COL23A1: variants seen among roughly 807,000 people sequenced by gnomAD.
The protein encoded by COL23A1 is collagen alpha-1(XXIII) chain.
In COL23A1, 97 loss-of-function variants were observed where a neutral mutation model predicts 99.3. The ratio of observed to expected loss-of-function variants is 0.98; its 90% CI spans 0.83 to 1.16. The LOEUF (loss-of-function observed/expected upper bound fraction) is 1.16, where lower values mean the gene tolerates loss of function less well. Ranked by LOEUF, COL23A1 falls within the 50% of genes most tolerant of loss-of-function variation. The probability of loss-of-function intolerance (pLI) is 0.00; values close to 1 mark genes in which losing one functional copy is unlikely to be tolerated. For synonymous variants in COL23A1, 320 were observed against 308.2 expected (o/e 1.04, Z -0.40); for missense variants, 762 against 757.4 (o/e 1.01, Z -0.07).
chr5:178,263,476 T>G (rs1280604277), intron 8 of COL23A1, 152 bp from the exon 9 acceptor site: 2 of 602,030 alleles, frequency 3.3e-6, no homozygotes, highest in Non-Finnish European at 5.9e-6. Context: ...CTCTTGCCAC[T>G]TATTGGGAGC....
chr5:178,463,552 C>G (rs1756244836), intron 2 of COL23A1, among the ~76,000 whole-genome samples: 1 of 152,156 alleles, frequency 6.6e-6, no homozygotes, highest in African/African-American at 2.4e-5. Flanking sequence ...TGGAAACCGC[C>G]ACTGGGACCC....
At chr5:178,355,516 T>C (rs919664189) in intron 2 of COL23A1, among the ~76,000 whole-genome samples, 1 of 152,070 alleles carries the variant, frequency 6.6e-6, no homozygotes, top group African/African-American at 2.4e-5. Context: ...GGCTGAGTAA[T>C]TTATAAAGAA....
chr5:178,511,423 G>C (rs1408877653), intron 2 of COL23A1, among the ~76,000 whole-genome samples: 1 of 152,274 alleles, frequency 6.6e-6, no homozygotes. Context: ...ACCTCCGGCT[G>C]TGAGTTGTCA....
rs375414728 is a variant in COL23A1, at chr5:178,246,376, G to A, written c.1359+15C>T. The A allele has an allele frequency of 2.1e-5, 33 of 1,573,802 alleles. No homozygotes were observed. The highest frequency in any genetic ancestry group is 1.9e-4 in the East Asian group (8 of 43,164). ...AATTAACACCTTTGGGACAAACAAC[G>A]CTTGTGAGACTCACAGGCAGGCCGC... On this transcript the variant is annotated intron_variant, in intron 23 of 28. Coordinates refer to ENST00000390654, the MANE Select transcript of COL23A1 (RefSeq NM_173465.4).
intron 12 of COL23A1, among the ~76,000 whole-genome samples, chr5:178,258,270 C>CATAT (rs1765437170): frequency 9.7e-6 from 1 of 102,812 alleles, no homozygotes. Flanking sequence ...TATACACATG[C>CATAT]AAATCAATTC....
In COL23A1 at chr5:178,307,316, T is replaced by C. The variant is rs2913765; in HGVS notation, c.362-397A>G. ...AGGGTGGGTTATCTTAGGAAAGCCCTGACAAACGCTGCTTCATATTCACTA... is the reference window on the plus strand; with the variant it reads ...AGGGTGGGTTATCTTAGGAAAGCCCCGACAAACGCTGCTTCATATTCACTA... On this transcript the variant is annotated intron_variant, in intron 2 of 28. Coordinates refer to ENST00000390654, the MANE Select transcript of COL23A1 (RefSeq NM_173465.4). This position sits in a 1 kb window ranked among gnomAD's most constrained non-coding sequence, Gnocchi z 4.2. 0.75 allele frequency among the ~76,000 whole-genome samples: 113,642 copies of C among 151,850 alleles called. 43,077 individuals are homozygous for C. Among genetic ancestry groups the C allele is most frequent in the African/African-American group, 0.79 (32,555 of 41,408 alleles).
rs1224522422 is a variant in COL23A1, at chr5:178,294,253, A to G, written c.407-3884T>C. 2.7e-5 allele frequency among the ~76,000 whole-genome samples: 4 copies of G among 147,092 alleles called. No homozygotes were observed. The East Asian group carries it at 8.0e-4, about 29-fold the overall frequency. On this transcript the variant is annotated intron_variant, in intron 3 of 28. Transcript: ENST00000390654. ...AATCACTACCGAGCTCCCTCCCCAA[A>G]TCACTACCGAGCTCCCTCCCCAAAT...
chr5:178,537,296 T>C (rs904217149), intron 2 of COL23A1, among the ~76,000 whole-genome samples: 1 of 152,172 alleles, frequency 6.6e-6, no homozygotes, highest in Non-Finnish European at 1.5e-5. Context: ...GGTCTGCCAG[T>C]GTGGGCCTGA....
intron 5 of COL23A1, among the ~76,000 whole-genome samples, chr5:178,279,943 TCTGCCA>T (rs998163941): frequency 5.3e-5 from 8 of 152,226 alleles, no homozygotes; most frequent in African/African-American, 1.7e-4. Context: ...TTTTGTTCTG[TCTGCCA>T]CTCAACCACA....
In COL23A1 at chr5:178,255,279, T is replaced by G. The variant is rs1357785272; in HGVS notation, c.883-253A>C. On this transcript the variant is annotated intron_variant, in intron 15 of 28. Coordinates refer to ENST00000390654, the MANE Select transcript of COL23A1 (RefSeq NM_173465.4). The surrounding 1 kb of genome is among the most constrained non-coding windows in gnomAD (Gnocchi z 4.2). ...CACGTGGGCATTCAGGCCTGACCCCTGAGTTCTCGGGGGCAAATGGAAAGC... is the reference window on the plus strand; with the variant it reads ...CACGTGGGCATTCAGGCCTGACCCCGGAGTTCTCGGGGGCAAATGGAAAGC... Among the ~76,000 whole-genome samples, 1 of 151,760 alleles carries G rather than the reference T, an allele frequency of 6.6e-6. No homozygotes were observed. Among genetic ancestry groups the G allele is most frequent in the Non-Finnish European group, 1.5e-5 (1 of 67,946 alleles).
Position 178,308,050 on chromosome 5 carries a change from T to A in COL23A1, c.362-1131A>T, listed in dbSNP as rs114945605. ...GCATGTGTCTGTGTGTGTCTCTATG[T>A]ATGTGTGTTTGTGTGCATGTGTGTG... On this transcript the variant is annotated intron_variant, in intron 2 of 28. Transcript: ENST00000390654. This position sits in a 1 kb window ranked among gnomAD's most constrained non-coding sequence, Gnocchi z 5.1. 2.2e-3 allele frequency among the ~76,000 whole-genome samples: 336 copies of A among 152,146 alleles called. 3 individuals carry two copies. Among genetic ancestry groups the A allele is most frequent in the African/African-American group, 7.7e-3 (319 of 41,502 alleles).
In COL23A1 at chr5:178,263,173, A is replaced by G. The variant is rs1419358509; in HGVS notation, c.639+35T>C. The G allele has an allele frequency of 2.0e-6, 3 of 1,497,094 alleles. No homozygotes were observed. The East Asian group carries it at 6.8e-5, about 34-fold the overall frequency. 92.7% of individuals were successfully genotyped at this position (1,497,094 alleles called of 1,614,324 possible). ...GAATCAGGATTTGGGGTTTTGGTCA[A>G]GTCCTGCGTGGCCCAACTCCATGCC... is the stretch of plus-strand genomic sequence containing the variant. On this transcript the variant is annotated intron_variant, in intron 9 of 28. Transcript: ENST00000390654.
chr5:178,463,749 A>C (rs1756257876), intron 2 of COL23A1, among the ~76,000 whole-genome samples: 1 of 152,180 alleles, frequency 6.6e-6, no homozygotes, highest in African/African-American at 2.4e-5. Flanking sequence ...GGGGGTCTGG[A>C]TGGGAACGGA....
chr5:178,243,560 C>T (rs945444371), intron 25 of COL23A1, among the ~76,000 whole-genome samples: 17 of 151,108 alleles, frequency 1.1e-4, no homozygotes, highest in South Asian at 4.2e-4. Context: ...TCACGTGTAA[C>T]GGGGCAGGCA....
At chr5:178,501,413 C>G (rs1758526679) in intron 2 of COL23A1, among the ~76,000 whole-genome samples, 1 of 152,030 alleles carries the variant, frequency 6.6e-6, no homozygotes, top group Non-Finnish European at 1.5e-5. Flanking sequence ...TGAAATGTCT[C>G]TACTAAAAAT....
chr5:178,482,493 G>T (rs190102568), intron 2 of COL23A1, among the ~76,000 whole-genome samples: 5 of 152,218 alleles, frequency 3.3e-5, no homozygotes, highest in Non-Finnish European at 7.3e-5. Flanking sequence ...TGGAGTTTCA[G>T]TTGGGGAAGA....
At chr5:178,588,840 G>A (rs1038517142) in intron 1 of COL23A1, among the ~76,000 whole-genome samples, 2 of 152,178 alleles carry the variant, frequency 1.3e-5, no homozygotes, top group East Asian at 3.9e-4. Context: ...GGAATTGGGG[G>A]TGTACAGGCC....
At chr5:178,554,491 T>C (rs1581627920) in intron 2 of COL23A1, among the ~76,000 whole-genome samples, 1 of 152,328 alleles carries the variant, frequency 6.6e-6, no homozygotes, top group Admixed American at 6.5e-5. Flanking sequence ...CCTGGTGTGC[T>C]TTAAGTGGAG....
At chr5:178,464,458 T>C (rs1156991930) in intron 2 of COL23A1, among the ~76,000 whole-genome samples, 1 of 152,206 alleles carries the variant, frequency 6.6e-6, no homozygotes, top group Non-Finnish European at 1.5e-5. Context: ...ATTCAGCCGC[T>C]GATGGTCACT....
Sources: gnomAD v4.1 joint callset for allele counts (sites outside exome capture counted in the v4.1 genomes callset) on GRCh38, gnomAD v4.1.1 for gene constraint, Gnocchi (gnomAD v3.1) non-coding constraint, MANE v1.5 for transcripts, NCBI Gene and HGNC (gene_info 2026-07-23, HGNC 2026-07-21) for gene names.